The following UTP4 variants were observed in gnomAD, a reference collection of about 807,000 sequenced individuals.
UTP4 encodes UTP4 small subunit processome component, also known as U3 small nucleolar RNA-associated protein 4 homolog.
In UTP4, 45 loss-of-function variants were observed where a neutral mutation model predicts 82.4. The observed-to-expected ratio is 0.55, with a 90% confidence interval of 0.43 to 0.70. The LOEUF is 0.70. Ranked by LOEUF, UTP4 falls within the 30% of genes least tolerant of loss-of-function variation. The pLI, the probability that UTP4 is intolerant of heterozygous loss-of-function variation, is 0.00. For synonymous variants in UTP4, 348 were observed against 300.3 expected (o/e 1.16, Z -1.64); for missense variants, 819 against 858.3 (o/e 0.95, Z 0.57).
chr16:69,156,975 T>G lies in UTP4; in HGVS notation c.1288-109T>G. Reference sequence around the variant, plus strand: ...AGTGTTCTGTGCCGAGTCAGTTGGCTTACTTAGAGACAGGAAGCATTAATG... The same window carrying G: ...AGTGTTCTGTGCCGAGTCAGTTGGCGTACTTAGAGACAGGAAGCATTAATG... On this transcript the variant is annotated intron_variant, in intron 11 of 16. Transcript: ENST00000314423. The G allele has an allele frequency of 3.5e-6, 4 of 1,156,752 alleles. No homozygotes were observed. In the East Asian group the frequency reaches 7.1e-5, roughly 20 times the overall value. The allele number at this position is 1,156,752 out of a possible 1,614,324, so 71.7% of individuals were successfully genotyped here.
chr16:69,164,029 C>T (rs759655630), intron 14 of UTP4, among the ~76,000 whole-genome samples: 42 of 151,970 alleles, frequency 2.8e-4, no homozygotes, highest in Middle Eastern at 3.4e-3. Flanking sequence ...GGACTACAGG[C>T]GCCCGCCACC....
intron 11 of UTP4, 23 bp from the exon 12 acceptor site, chr16:69,157,061 T>A: frequency 6.2e-7 from 1 of 1,614,026 alleles, no homozygotes; most frequent in Non-Finnish European, 8.5e-7. Flanking sequence ...TCTCACTGGC[T>A]TTTATTATTG....
At chr16:69,159,816 C>T (rs1963518085) in intron 12 of UTP4, among the ~76,000 whole-genome samples, 1 of 152,062 alleles carries the variant, frequency 6.6e-6, no homozygotes, top group South Asian at 2.1e-4. Context: ...GGTGAAACCC[C>T]ATCTCTACTA....
rs142232469 is a variant in UTP4, at chr16:69,155,907, T to C, written c.1201T>C (p.Cys401Arg). Residue 401 changes from cysteine (C) to arginine (R), a missense_variant, in exon 11 of 17, where the codon TGT becomes CGT. Physicochemically the swap from Cys to Arg is radical, Grantham distance 180. Coordinates refer to ENST00000314423, the MANE Select transcript of UTP4 (RefSeq NM_032830.3). ...ENIICSCISPCGSWIAYSTVS... is the reference protein window; with the variant it reads ...ENIICSCISPRGSWIAYSTVS... ...CATTATCTGTAGCTGTATCTCCCCA[T>C]GTGGAAGTTGGATAGCCTATTCTAC... The C allele has an allele frequency of 2.5e-6, 4 of 1,613,924 alleles. No individual in the cohort carries two copies. The African/African-American group carries it at 4.0e-5, about 16-fold the overall frequency.
chr16:69,134,229 C>CT (rs543725933), intron 2 of UTP4, among the ~76,000 whole-genome samples: 30 of 151,912 alleles, frequency 2.0e-4, no homozygotes, highest in Non-Finnish European at 3.7e-4. Context: ...TGTTGAATGA[C>CT]TGTTATGTAC....
At position 69,153,610 on chromosome 16, in the gene UTP4, G is replaced by A. The variant is rs751516872; in HGVS notation, c.1029G>A (p.Lys343=). Residue 343 remains lysine, a synonymous_variant, in exon 9 of 17, where the codon AAG becomes AAA. Transcript: ENST00000314423. Reference sequence around the variant, plus strand: ...GATGTCTCATCTCCTGTTCTAAAAAGAGGCAGCTTCTCCTCTTCCAGTTTG... The same window carrying A: ...GATGTCTCATCTCCTGTTCTAAAAAAAGGCAGCTTCTCCTCTTCCAGTTTG... The part of the protein sequence containing the change: ...PHRCLISCSK[K]RQLLLFQFAH... 1.9e-6 allele frequency: 3 copies of A among 1,613,544 alleles called. No homozygotes were observed. The highest frequency in any genetic ancestry group is 2.5e-6 in the Non-Finnish European group (3 of 1,179,728).
chr16:69,164,476 C>A (rs1963645631), intron 14 of UTP4, among the ~76,000 whole-genome samples: 1 of 151,706 alleles, frequency 6.6e-6, no homozygotes, highest in Non-Finnish European at 1.5e-5. Flanking sequence ...ACAGTACTCT[C>A]ACACATTGTG....
chr16:69,142,196 C>T (rs1202722042), intron 5 of UTP4: 1 of 152,208 alleles, frequency 6.6e-6, no homozygotes, highest in African/African-American at 2.4e-5. Flanking sequence ...GAAGAATGAT[C>T]TGGCTGGACT....
intron 9 of UTP4, 58 bp downstream of exon 9, chr16:69,153,738 G>A (rs1036121386): frequency 5.9e-6 from 7 of 1,188,870 alleles, no homozygotes; most frequent in Non-Finnish European, 5.0e-6. Context: ...CCAGAAATCA[G>A]AATTGCGGTT....
chr16:69,137,675 G>A, intron 3 of UTP4, 126 bp from the exon 4 acceptor site: 1 of 669,660 alleles, frequency 1.5e-6, no homozygotes, highest in South Asian at 1.7e-5. Flanking sequence ...CTTTTTCACG[G>A]CAACTGATAG....
intron 13 of UTP4, among the ~76,000 whole-genome samples, chr16:69,162,711 CAAAAAAA>C (rs61078750): frequency 8.0e-5 from 8 of 100,406 alleles, no homozygotes; most frequent in African/African-American, 2.8e-4. Flanking sequence ...AACTCCATCT[CAAAAAAA>C]AAAAAAAAGA....
intron 1 of UTP4, chr16:69,133,153 T>C (rs1468273174): frequency 2.6e-6 from 1 of 391,980 alleles, no homozygotes; most frequent in Non-Finnish European, 4.8e-6. Flanking sequence ...AACTTAGCAA[T>C]AGAGTTGAGG....
chr16:69,137,931 T>C (rs1962853439), intron 4 of UTP4, 46 bp downstream of exon 4: 2 of 1,201,646 alleles, frequency 1.7e-6, no homozygotes, highest in South Asian at 1.2e-5. Flanking sequence ...TAACAAGAAA[T>C]TAAGTTTCTG....
At chr16:69,148,424 G>A (rs1030048145) in intron 6 of UTP4, among the ~76,000 whole-genome samples, 1 of 151,436 alleles carries the variant, frequency 6.6e-6, no homozygotes, top group African/African-American at 2.4e-5. Flanking sequence ...ATAGAGACGG[G>A]GTTTTATCAT....
intron 2 of UTP4, 130 bp from the exon 3 acceptor site, chr16:69,136,566 T>C: frequency 2.3e-6 from 2 of 863,926 alleles, no homozygotes; most frequent in South Asian, 2.7e-5. Context: ...TCATTAGGCA[T>C]GATCTGATAG....
chr16:69,158,576 A>G (rs981508349), intron 12 of UTP4, among the ~76,000 whole-genome samples: 1 of 152,114 alleles, frequency 6.6e-6, no homozygotes, highest in African/African-American at 2.4e-5. Flanking sequence ...TATTATCTAT[A>G]TATGTTTTTA....
chr16:69,167,777 T>G (rs1039578227), intron 16 of UTP4: 1 of 153,270 alleles, frequency 6.5e-6, no homozygotes, highest in Non-Finnish European at 1.4e-5. Flanking sequence ...GTAATCTCAG[T>G]ACTTTAGGAG....
intron 12 of UTP4, among the ~76,000 whole-genome samples, chr16:69,158,571 TC>T (rs1963483440): frequency 6.6e-6 from 1 of 152,154 alleles, no homozygotes; most frequent in South Asian, 2.1e-4. Flanking sequence ...CTATTTATTA[TC>T]TATATATGTT....
intron 2 of UTP4, among the ~76,000 whole-genome samples, chr16:69,136,089 T>C (rs1311409887): frequency 6.6e-6 from 1 of 152,230 alleles, no homozygotes; most frequent in African/African-American, 2.4e-5. Context: ...AGACCTTCAT[T>C]TGCCTCATGC....
Sources: gnomAD v4.1 joint callset for allele counts (sites outside exome capture counted in the v4.1 genomes callset) on GRCh38, gnomAD v4.1.1 for gene constraint, MANE v1.5 for transcripts, NCBI Gene and HGNC (gene_info 2026-07-23, HGNC 2026-07-21) for gene names.